CD1B: variants seen among roughly 807,000 people sequenced by gnomAD.
The protein encoded by CD1B is T-cell surface glycoprotein CD1b.
CD1B carries 43 observed loss-of-function variants against 39.8 expected under a neutral mutation model. The ratio of observed to expected loss-of-function variants is 1.08; its 90% CI spans 0.85 to 1.39. The LOEUF (loss-of-function observed/expected upper bound fraction) is 1.39, where lower values mean the gene tolerates loss of function less well. Ranked by LOEUF, CD1B falls within the 40% of genes most tolerant of loss-of-function variation. CD1B has a pLI of 0.00. For missense variants in CD1B, 495 were observed against 403.8 expected (o/e 1.23, Z -1.94); for synonymous variants, 192 against 152.5 (o/e 1.26, Z -1.91).
rs748133954 is a variant in CD1B at position 158,330,780 on chromosome 1, G to A, written c.328+16C>T. 30 of 1,613,116 alleles carry A rather than the reference G, an allele frequency of 1.9e-5. No individual in the cohort carries two copies. Among genetic ancestry groups the A allele is most frequent in the Non-Finnish European group, 2.4e-5 (28 of 1,179,296 alleles). ...GAGTCCTTGAGACTCTTCCCAGTTC[G>A]GTGGACTAGACTCACATTTCATCTG... On this transcript the variant is annotated intron_variant, in intron 2 of 5. Transcript: ENST00000368168.
the CD1B span, among the ~76,000 whole-genome samples, chr1:158,321,801 G>T: frequency 2.0e-5 from 3 of 152,100 alleles, no homozygotes; most frequent in Non-Finnish European, 4.4e-5. Context: ...TGTGCAGGAT[G>T]TATAGGCTTA....
At chr1:158,289,375 C>T in the CD1B span, among the ~76,000 whole-genome samples, 1 of 152,102 alleles carries the variant, frequency 6.6e-6, no homozygotes, top group East Asian at 1.9e-4. Context: ...TTGTTATGGT[C>T]CTATGCATTC....
the CD1B span, among the ~76,000 whole-genome samples, chr1:158,310,786 G>A: frequency 6.6e-6 from 1 of 152,004 alleles, no homozygotes; most frequent in South Asian, 2.1e-4. Flanking sequence ...CAGTCAGAAT[G>A]GCTATTATTA....
the CD1B span, among the ~76,000 whole-genome samples, chr1:158,320,659 C>A: frequency 6.6e-6 from 1 of 152,124 alleles, no homozygotes; most frequent in East Asian, 1.9e-4. Context: ...GGAGCTCTTC[C>A]TATTTGGCCA....
At chr1:158,301,873 G>A in the CD1B span, among the ~76,000 whole-genome samples, 1 of 152,108 alleles carries the variant, frequency 6.6e-6, no homozygotes, top group Non-Finnish European at 1.5e-5. Context: ...AACATCATGA[G>A]CAGTGTTTTC....
the CD1B span, among the ~76,000 whole-genome samples, chr1:158,307,463 G>C: frequency 6.6e-6 from 1 of 152,048 alleles, no homozygotes; most frequent in African/African-American, 2.4e-5. Context: ...ATCAAAAAAA[G>C]TCCAGGACCC....
At chr1:158,302,100 AC>A in the CD1B span, among the ~76,000 whole-genome samples, 2 of 152,154 alleles carry the variant, frequency 1.3e-5, no homozygotes, top group East Asian at 3.8e-4. Context: ...ACACTCTTGC[AC>A]CACAGCACAA....
At position 158,329,852 on chromosome 1, in the gene CD1B, C is replaced by T. The variant is rs868515699; in HGVS notation, c.607G>A (p.Val203Met). The change falls in exon 3 of 6, where the codon GTG (valine) becomes ATG (methionine). Residue 203 changes from valine to methionine, a missense_variant and splice_region_variant. Physicochemically the swap from Val to Met is conservative, Grantham distance 21. Transcript: ENST00000368168. ...GAAGTGAAATAACAGCAGGACTAACCTTGTCTTTGCAGATCTGCTTTTCCT... is the reference window on the plus strand; with the variant it reads ...GAAGTGAAATAACAGCAGGACTAACTTTGTCTTTGCAGATCTGCTTTTCCT... ...NAGKADLQRQ[V>M]KPEAWLSSGP... 1.2e-6 allele frequency: 2 copies of T among 1,612,174 alleles called. No homozygotes were observed. The highest frequency in any genetic ancestry group is 1.7e-6 in the Non-Finnish European group (2 of 1,178,942).
At chr1:158,303,847 A>G in the CD1B span, among the ~76,000 whole-genome samples, 1 of 152,218 alleles carries the variant, frequency 6.6e-6, no homozygotes, top group Non-Finnish European at 1.5e-5. Flanking sequence ...CATATTGCTG[A>G]AAGCAATTCA....
At chr1:158,302,274 G>C in the CD1B span, among the ~76,000 whole-genome samples, 2 of 152,128 alleles carry the variant, frequency 1.3e-5, no homozygotes, top group Non-Finnish European at 2.9e-5. Context: ...CAGAGTCTCT[G>C]AGACACAGCT....
At chr1:158,324,567 CTGA>C (rs1460404009), downstream of CD1B, among the ~76,000 whole-genome samples, 1 of 152,114 alleles carries the variant, frequency 6.6e-6, no homozygotes, top group African/African-American at 2.4e-5. Flanking sequence ...AGAAGTGAGA[CTGA>C]TGAGTTAAAC....
chr1:158,316,271 G>C, the CD1B span, among the ~76,000 whole-genome samples: 1 of 151,980 alleles, frequency 6.6e-6, no homozygotes, highest in Admixed American at 6.6e-5. Context: ...TCATGATATT[G>C]ATTCTTCCTA....
At chr1:158,308,418 G>A in the CD1B span, among the ~76,000 whole-genome samples, 1,488 of 152,148 alleles carry the variant, frequency 9.8e-3, 21 homozygotes, top group African/African-American at 0.034. Context: ...AAGGTAATTT[G>A]TAGATTCAAT....
the CD1B span, chr1:158,292,057 C>G: frequency 3.2e-6 from 5 of 1,587,218 alleles, no homozygotes; most frequent in African/African-American, 6.8e-5. Flanking sequence ...TGTTTGAACT[C>G]TTTTTCTCAT....
the CD1B span, among the ~76,000 whole-genome samples, chr1:158,306,323 G>T: frequency 7.2e-5 from 11 of 152,262 alleles, no homozygotes; most frequent in East Asian, 1.9e-3. Context: ...AAGATCAAAA[G>T]AGACAAAGAA....
chr1:158,291,216 A>G, the CD1B span: 4 of 1,613,918 alleles, frequency 2.5e-6, no homozygotes, highest in Admixed American at 3.3e-5. Flanking sequence ...AGGGCTCAGG[A>G]TGGCTGGACG....
chr1:158,307,628 C>CA, the CD1B span, among the ~76,000 whole-genome samples: 3 of 151,962 alleles, frequency 2.0e-5, no homozygotes, highest in South Asian at 2.1e-4. Flanking sequence ...AGAGACATAA[C>CA]AAAAAAAGAC....
downstream of CD1B, among the ~76,000 whole-genome samples, chr1:158,325,116 G>A (rs1348332203): frequency 6.6e-6 from 1 of 151,970 alleles, no homozygotes; most frequent in Non-Finnish European, 1.5e-5. Context: ...GATAGTTACT[G>A]AAGATAATGT....
chr1:158,321,603 A>G, the CD1B span, among the ~76,000 whole-genome samples: 1 of 152,094 alleles, frequency 6.6e-6, no homozygotes, highest in Admixed American at 6.6e-5. Context: ...CACTCTTGCT[A>G]TATCCTTTTG....
Sources: gnomAD v4.1 joint callset for allele counts (sites outside exome capture counted in the v4.1 genomes callset) on GRCh38, gnomAD v4.1.1 for gene constraint, MANE v1.5 for transcripts, NCBI Gene and HGNC (gene_info 2026-07-23, HGNC 2026-07-21) for gene names.